The following ANAPC1 variants were observed in gnomAD, a reference collection of about 807,000 sequenced individuals.
ANAPC1 encodes anaphase promoting complex subunit 1, also known as anaphase-promoting complex subunit 1.
In ANAPC1, 36 loss-of-function variants were observed where a neutral mutation model predicts 208.0. The observed-to-expected ratio is 0.17, with a 90% CI of 0.13 to 0.23. The LOEUF (loss-of-function observed/expected upper bound fraction) is 0.23, where lower values mean the gene tolerates loss of function less well. Ranked by LOEUF, ANAPC1 falls within the 10% of genes least tolerant of loss-of-function variation. ANAPC1 has a pLI of 1.00. For synonymous variants in ANAPC1, 378 were observed against 695.2 expected, an observed-to-expected ratio of 0.54 and a Z score of 7.18; for missense variants, 942 against 2,011.6, an observed-to-expected ratio of 0.47 and a Z score of 10.17.
chr2:111,867,977 T>TA, intron 7 of ANAPC1, 46 bp downstream of exon 7: 1 of 1,333,812 alleles, frequency 7.5e-7, no homozygotes, highest in Non-Finnish European at 1.0e-6. Context: ...CTCACCAAAG[T>TA]CAAAAAAAAA....
rs370742851 is a variant in ANAPC1, at chr2:111,825,102, C to T, written c.2741+29G>A. The T allele has an allele frequency of 1.9e-6, 3 of 1,613,738 alleles. No homozygotes were observed. The African/African-American group carries it at 4.0e-5, about 22-fold the overall frequency. ...AAATAATATTGTTTTAAGTGTTTGA[C>T]ATAAAAGCACAGTCTAAATAAAAGT... is the stretch of plus-strand genomic sequence containing the variant. On this transcript the variant is annotated intron_variant, in intron 23 of 47. Transcript: ENST00000341068.
chr2:111,799,124 T>TA (rs1558674876), intron 34 of ANAPC1, among the ~76,000 whole-genome samples: 1 of 151,988 alleles, frequency 6.6e-6, no homozygotes, highest in Non-Finnish European at 1.5e-5. Context: ...CAAATTTTTT[T>TA]AAAAAATAAG....
intron 10 of ANAPC1, among the ~76,000 whole-genome samples, chr2:111,859,798 A>G (rs1681955157): frequency 6.6e-6 from 1 of 152,038 alleles, no homozygotes; most frequent in Non-Finnish European, 1.5e-5. Flanking sequence ...CTTTATCCCA[A>G]TCTCACCACT....
Position 111,831,826 on chromosome 2 carries a change from C to CCA in ANAPC1, c.2477-393_2477-392insTG, listed in dbSNP as rs1553425748. ...TAAGAGACAGAGCGAGACTCTGTCT[C>CCA]AAAAAAAAAAAAAAAAAAAAGAATA... On this transcript the variant is annotated intron_variant, in intron 20 of 47. Transcript: ENST00000341068. Among the ~76,000 whole-genome samples, 177 of 28,996 alleles carry CCA rather than the reference C, an allele frequency of 6.1e-3. 32 individuals carry two copies. The highest frequency in any genetic ancestry group is 8.8e-3 in the Admixed American group (21 of 2,376). 19.0% of individuals were successfully genotyped at this position (28,996 alleles called of 152,430 possible).
intron 46 of ANAPC1, among the ~76,000 whole-genome samples, chr2:111,775,130 G>C (rs1292833524): frequency 6.6e-6 from 1 of 152,168 alleles, no homozygotes; most frequent in Non-Finnish European, 1.5e-5. Context: ...GCTGGGTGTG[G>C]TGGCGTGCAC....
At chr2:111,767,228 G>A (rs1483332780), downstream of ANAPC1, among the ~76,000 whole-genome samples, 1 of 150,958 alleles carries the variant, frequency 6.6e-6, no homozygotes, top group African/African-American at 2.5e-5. Context: ...GGCACATGAG[G>A]TAGAGCAGTG....
chr2:111,782,417 C>G lies in ANAPC1; in HGVS notation c.5154G>C (p.Leu1718Phe). 6.2e-7 allele frequency: 1 copy of G among 1,613,224 alleles called. No homozygotes were observed. Among genetic ancestry groups the G allele is most frequent in the East Asian group, 2.2e-5 (1 of 44,856 alleles). ...TCCTGTTAGCAACAGTCTGAGCCAA[C>G]AAACTTTGCCATCCCATTGGATCTT... The part of the protein sequence containing the change: ...YKEDPMGWQS[L>F]LAQTVANRNS... The change falls in exon 43 of 48, where the codon TTG becomes TTC. Residue 1718 changes from leucine to phenylalanine, a missense_variant. Transcript: ENST00000341068.
chr2:111,821,017 TACA>T, intron 26 of ANAPC1, among the ~76,000 whole-genome samples: 1 of 151,268 alleles, frequency 6.6e-6, no homozygotes, highest in Non-Finnish European at 1.5e-5. Context: ...CGATATGAAA[TACA>T]ACAATTACGT....
chr2:111,853,803 G>A (rs952511116), intron 13 of ANAPC1, among the ~76,000 whole-genome samples: 4 of 151,710 alleles, frequency 2.6e-5, no homozygotes, highest in Admixed American at 6.6e-5. Flanking sequence ...TGCAAGCTCC[G>A]CCTCCTGGGT....
At position 111,825,853 on chromosome 2, in the gene ANAPC1, A is replaced by G. The variant is rs745975469; in HGVS notation, c.2628T>C (p.Ser876=). The G allele has an allele frequency of 1.9e-6, 3 of 1,606,244 alleles. No homozygotes were observed. Among genetic ancestry groups the G allele is most frequent in the South Asian group, 2.2e-5 (2 of 90,172 alleles). ...CATCACCAAGTATGTACAGTGCAAT[A>G]CTCTGCAAAGGAAGAAAATTAACAT... ...ICERSRLVVL[S]IALYILGDES... Residue 876 remains serine, a splice_region_variant and synonymous_variant, in exon 22 of 48, where the codon AGT becomes AGC. Coordinates refer to ENST00000341068, the MANE Select transcript of ANAPC1 (RefSeq NM_022662.4).
At chr2:111,826,068 TGTAAAGACGGA>T (rs1302295327) in intron 21 of ANAPC1, among the ~76,000 whole-genome samples, 1 of 152,178 alleles carries the variant, frequency 6.6e-6, no homozygotes, top group Non-Finnish European at 1.5e-5. Flanking sequence ...TTTTATTTTT[TGTAAAGACGGA>T]GTCTCGCTGT....
chr2:111,856,248 T>C (rs112253219), intron 13 of ANAPC1: 6,652 of 177,158 alleles, frequency 0.038, 184 homozygotes, highest in Middle Eastern at 0.067. Flanking sequence ...AAAATACAGC[T>C]AACATATACC....
chr2:111,781,842 G>GT (rs1183262805), intron 43 of ANAPC1, among the ~76,000 whole-genome samples: 7 of 152,386 alleles, frequency 4.6e-5, no homozygotes, highest in Admixed American at 6.5e-5. Flanking sequence ...CTCATTTATC[G>GT]TAACTATTTC....
chr2:111,828,000 A>G (rs1679929672), intron 21 of ANAPC1, among the ~76,000 whole-genome samples: 1 of 152,204 alleles, frequency 6.6e-6, no homozygotes, highest in Non-Finnish European at 1.5e-5. Flanking sequence ...AAAGACATTC[A>G]CAGAAAAACC....
rs573455807 is a variant in ANAPC1, at chr2:111,800,368, C to T, written c.4296+429G>A. 8.9e-5 allele frequency among the ~76,000 whole-genome samples: 12 copies of T among 134,344 alleles called. 1 individual carries two copies. In the South Asian group the frequency reaches 2.9e-3, roughly 32 times the overall value. The allele number at this position is 134,344 out of a possible 152,430, so 88.1% of individuals were successfully genotyped here. A position where few individuals can be genotyped will look rare whatever the true frequency, so the allele number is the denominator to read the frequency against. On this transcript the variant is annotated intron_variant, in intron 34 of 47. Transcript: ENST00000341068. Reference sequence around the variant, plus strand: ...ACCAAAAAAATCTGTTCATTTTTAACTAGTATACTTGGCTTATCGAATAAA... The same window carrying T: ...ACCAAAAAAATCTGTTCATTTTTAATTAGTATACTTGGCTTATCGAATAAA...
In ANAPC1 at chr2:111,862,415, C is replaced by T. The variant is rs755956970; in HGVS notation, c.1236G>A (p.Leu412=). Residue 412 remains leucine, a synonymous_variant, in exon 10 of 48, where the codon TTG becomes TTA. Coordinates refer to ENST00000341068, the MANE Select transcript of ANAPC1 (RefSeq NM_022662.4). The part of the protein sequence containing the change: ...PIVPELCIDH[L]WTETITNIRE... ...TTATATTAGTAATCGTTTCTGTCCA[C>T]AAATGGTCAATACACAGTTCAGGAA... 1.9e-6 allele frequency: 3 copies of T among 1,598,008 alleles called. No homozygotes were observed. Among genetic ancestry groups the T allele is most frequent in the Non-Finnish European group, 1.7e-6 (2 of 1,172,222 alleles).
At chr2:111,860,981 TG>T (rs1490915283) in intron 10 of ANAPC1, among the ~76,000 whole-genome samples, 1 of 152,244 alleles carries the variant, frequency 6.6e-6, no homozygotes, top group Non-Finnish European at 1.5e-5. Flanking sequence ...TTTATTGTTC[TG>T]CTCTTTCCCA....
chr2:111,870,511 T>C (rs1558740649), intron 6 of ANAPC1, among the ~76,000 whole-genome samples: 1 of 152,186 alleles, frequency 6.6e-6, no homozygotes, highest in Non-Finnish European at 1.5e-5. Flanking sequence ...TTTGTGTATC[T>C]TCTTTTGAGA....
At chr2:111,834,131 T>A (rs1281577701) in intron 19 of ANAPC1, among the ~76,000 whole-genome samples, 2 of 152,026 alleles carry the variant, frequency 1.3e-5, no homozygotes, top group Non-Finnish European at 2.9e-5. Context: ...GCAAAATGAG[T>A]CCACAACTAT....
Sources: allele counts gnomAD v4.1 joint callset (sites outside exome capture counted in the v4.1 genomes callset), GRCh38; gene constraint gnomAD v4.1.1; transcripts MANE v1.5; gene names NCBI Gene and HGNC (gene_info 2026-07-23, HGNC 2026-07-21).